DCUN1D2: variants seen among roughly 807,000 people sequenced by gnomAD.
DCUN1D2 encodes the protein defective in cullin neddylation 1 domain containing 2.
DCUN1D2 carries 29 observed loss-of-function variants against 30.9 expected under a neutral mutation model. That is an observed-to-expected ratio of 0.94 (90% CI 0.70 to 1.28). DCUN1D2 has a LOEUF of 1.28. Ranked by LOEUF, DCUN1D2 falls within the 50% of genes most tolerant of loss-of-function variation. DCUN1D2 has a pLI of 0.00. For missense variants in DCUN1D2, 325 were observed against 316.9 expected, an observed-to-expected ratio of 1.03 and a Z score of -0.19; for synonymous variants, 121 against 115.3, an observed-to-expected ratio of 1.05 and a Z score of -0.32.
At chr13:113,477,892 G>A (rs1014405582) in intron 3 of DCUN1D2, among the ~76,000 whole-genome samples, 19 of 152,048 alleles carry the variant, frequency 1.2e-4, no homozygotes, top group Non-Finnish European at 4.4e-5. Context: ...TGGGCTTATC[G>A]TCTTGGGTTT....
chr13:113,465,511 A>C (rs935127064), intron 4 of DCUN1D2, among the ~76,000 whole-genome samples: 1 of 151,476 alleles, frequency 6.6e-6, no homozygotes, highest in Non-Finnish European at 1.5e-5. Context: ...AAAAAAAAAA[A>C]ACAAACAAAC....
intron 1 of DCUN1D2, among the ~76,000 whole-genome samples, chr13:113,485,077 C>CAATA (rs58781524): frequency 0.16 from 24,027 of 148,438 alleles, 2,190 homozygotes; most frequent in Admixed American, 0.27. Flanking sequence ...GACTCTATCT[C>CAATA]AATAAATAAA....
intron 2 of DCUN1D2, among the ~76,000 whole-genome samples, chr13:113,481,059 G>C (rs78649302): frequency 1.3e-5 from 2 of 151,788 alleles, no homozygotes; most frequent in African/African-American, 4.8e-5. Context: ...AAAAATTTAA[G>C]TTTACAGAAA....
chr13:113,472,892 G>T (rs975090710), intron 4 of DCUN1D2, among the ~76,000 whole-genome samples: 12 of 152,158 alleles, frequency 7.9e-5, no homozygotes, highest in African/African-American at 2.7e-4. Context: ...GTGTGGGGCC[G>T]AGACGCGTCT....
In DCUN1D2 at chr13:113,490,679, G is replaced by T. The variant is rs150680002; in HGVS notation, c.-10C>A. ...CCGGGCCACCTACCATCTCCCCCGC[G>T]CCGCCCGCTTCTGGCCGGCCCCGGC... On this transcript the variant is annotated 5_prime_UTR_variant, in exon 1 of 7. Coordinates refer to ENST00000478244, the MANE Select transcript of DCUN1D2 (RefSeq NM_001014283.2). The surrounding 1 kb of genome is among the most constrained non-coding windows in gnomAD (Gnocchi z 5.2). 19,759 of 1,243,734 alleles carry T rather than the reference G, an allele frequency of 0.016. 223 individuals carry two copies. The highest frequency in any genetic ancestry group is 0.049 in the Middle Eastern group (153 of 3,146). 77.0% of individuals were successfully genotyped at this position (1,243,734 alleles called of 1,614,324 possible). A position where few individuals can be genotyped will look rare whatever the true frequency, so the allele number is the denominator to read the frequency against.
upstream of DCUN1D2, chr13:113,490,761 G>C: frequency 8.9e-7 from 1 of 1,118,128 alleles, no homozygotes; most frequent in Non-Finnish European, 1.1e-6. The surrounding 1 kb of genome is among the most constrained non-coding windows in gnomAD (Gnocchi z 5.2). Context: ...CGCGGCCCTC[G>C]GCTCCGGGGC....
intron 4 of DCUN1D2, among the ~76,000 whole-genome samples, chr13:113,469,204 G>T (rs1032891282): frequency 1.3e-5 from 2 of 151,578 alleles, no homozygotes; most frequent in South Asian, 4.2e-4. Flanking sequence ...AAGTCGAAAA[G>T]CTGCCCCGAA....
At chr13:113,458,366 G>C (rs1377164576) in intron 6 of DCUN1D2, among the ~76,000 whole-genome samples, 1 of 152,236 alleles carries the variant, frequency 6.6e-6, no homozygotes, top group African/African-American at 2.4e-5. Flanking sequence ...TGCTCGGTGA[G>C]TGCCCCAGGC....
intron 3 of DCUN1D2, chr13:113,476,204 A>G (rs951499902): frequency 6.6e-6 from 1 of 152,250 alleles, no homozygotes; most frequent in Non-Finnish European, 1.5e-5. Flanking sequence ...ATCACAACAT[A>G]CCTGTGAACG....
chr13:113,482,345 T>G (rs1265218098), intron 2 of DCUN1D2, among the ~76,000 whole-genome samples: 1 of 152,212 alleles, frequency 6.6e-6, no homozygotes, highest in Non-Finnish European at 1.5e-5. Context: ...ACACAAGTAT[T>G]TTTTCAAAGG....
Position 113,474,190 on chromosome 13 carries a change from C to T in DCUN1D2, c.454G>A (p.Ala152Thr), listed in dbSNP as rs370170005. ...AACTGATAAAAATCTTTAAACTTGG[C>T]TGTGTCCTTCAGCTCCTGCTCCAGT... ...PRLEQELKDT[A>T]KFKDFYQFTF... is the part of the protein sequence containing the mutation. Residue 152 changes from alanine (A) to threonine (T), a missense_variant, in exon 4 of 7, where the codon GCC (alanine) becomes ACC (threonine). Coordinates refer to ENST00000478244, the MANE Select transcript of DCUN1D2 (RefSeq NM_001014283.2). The T allele has an allele frequency of 1.9e-6, 3 of 1,614,012 alleles. No homozygotes were observed. Among genetic ancestry groups the T allele is most frequent in the Middle Eastern group, 1.6e-4 (1 of 6,082 alleles).
Position 113,457,855 on chromosome 13 carries a change from C to A in DCUN1D2, c.*174G>T, listed in dbSNP as rs566086897. ...CAGCCGTGTCCCGAGGAACTTCCTG[C>A]GGTGTCCACAAAGCAGCCGCTGGCT... On this transcript the variant is annotated 3_prime_UTR_variant, in exon 7 of 7. Transcript: ENST00000478244. The A allele has an allele frequency of 1.1e-5, 7 of 649,376 alleles. No individual in the cohort carries two copies. Among genetic ancestry groups the A allele is most frequent in the Non-Finnish European group, 1.9e-5 (7 of 362,010 alleles). 40.2% of individuals were successfully genotyped at this position (649,376 alleles called of 1,614,324 possible).
At chr13:113,463,341 C>A (rs1235566899) in intron 4 of DCUN1D2, among the ~76,000 whole-genome samples, 2 of 152,092 alleles carry the variant, frequency 1.3e-5, no homozygotes, top group African/African-American at 2.4e-5. Context: ...CAAAAAAGTA[C>A]CTTAGGGCAG....
At chr13:113,476,760 T>C (rs528127693) in intron 3 of DCUN1D2, among the ~76,000 whole-genome samples, 2 of 152,382 alleles carry the variant, frequency 1.3e-5, no homozygotes, top group South Asian at 2.1e-4. Context: ...TACATTATTT[T>C]CTACAGACTT....
chr13:113,464,338 T>C (rs1020181380), intron 4 of DCUN1D2, among the ~76,000 whole-genome samples: 1 of 152,252 alleles, frequency 6.6e-6, no homozygotes, highest in East Asian at 1.9e-4. Flanking sequence ...TGGCCTGTTC[T>C]GCCACTGAAA....
At chr13:113,482,969 TAAAC>T (rs1245794120) in intron 2 of DCUN1D2, among the ~76,000 whole-genome samples, 4 of 152,022 alleles carry the variant, frequency 2.6e-5, no homozygotes, top group Non-Finnish European at 5.9e-5. Context: ...CAGACAACAA[TAAAC>T]AAACAAACAA....
Position 113,483,976 on chromosome 13 carries a change from G to A in DCUN1D2, c.84C>T (p.Tyr28=). ...GTCTCCACTCATTCTGCGTTAAGCA[G>A]TAGATAGCAGTTCTCTCGCCAGCCT... ...CTQAGERTAI[Y]CLTQNEWRLD... is the part of the protein sequence containing the mutation. Residue 28 remains tyrosine, a synonymous_variant, in exon 2 of 7, where the codon TAC becomes TAT. Coordinates refer to ENST00000478244, the MANE Select transcript of DCUN1D2 (RefSeq NM_001014283.2). 6.2e-7 allele frequency: 1 copy of A among 1,614,244 alleles called. No individual in the cohort carries two copies. Among genetic ancestry groups the A allele is most frequent in the Non-Finnish European group, 8.5e-7 (1 of 1,180,056 alleles).
intron 6 of DCUN1D2, among the ~76,000 whole-genome samples, chr13:113,459,071 G>A (rs1029341147): frequency 6.6e-6 from 1 of 152,124 alleles, no homozygotes; most frequent in African/African-American, 2.4e-5. Context: ...TCCACCATGG[G>A]GGTCTCTAAC....
At position 113,457,001 on chromosome 13, in the gene DCUN1D2, T is replaced by G. The variant is rs1440248510; in HGVS notation, c.*1028A>C. Reference sequence around the variant, plus strand: ...TTCAAGCGAATCTCCTGCCTCAGCCTCCTGAGTAGCTGGGATTACAGGCAT... The same window carrying G: ...TTCAAGCGAATCTCCTGCCTCAGCCGCCTGAGTAGCTGGGATTACAGGCAT... On this transcript the variant is annotated 3_prime_UTR_variant, in exon 7 of 7. Coordinates refer to ENST00000478244, the MANE Select transcript of DCUN1D2 (RefSeq NM_001014283.2). 1.3e-5 allele frequency: 2 copies of G among 152,220 alleles called. No homozygotes were observed. The highest frequency in any genetic ancestry group is 2.9e-5 in the Non-Finnish European group (2 of 68,070). 9.4% of individuals were successfully genotyped at this position (152,220 alleles called of 1,614,324 possible).
Sources: gnomAD v4.1 joint callset for allele counts (sites outside exome capture counted in the v4.1 genomes callset) on GRCh38, gnomAD v4.1.1 for gene constraint, Gnocchi (gnomAD v3.1) non-coding constraint, MANE v1.5 for transcripts, NCBI Gene and HGNC (gene_info 2026-07-23, HGNC 2026-07-21) for gene names.